ROR1: variants seen among roughly 807,000 people sequenced by gnomAD.
ROR1 encodes inactive tyrosine-protein kinase transmembrane receptor ROR1.
Under a neutral mutation model 78.8 loss-of-function variants are expected in ROR1, and 19 were observed. That is an observed-to-expected ratio of 0.24 (90% CI 0.17 to 0.35). ROR1 has a LOEUF of 0.35. Among genes scored for constraint, ROR1 ranks in the 10% least tolerant of loss-of-function variants. ROR1 has a pLI of 1.00. For synonymous variants in ROR1, 386 were observed against 433.6 expected (o/e 0.89, Z 1.36); for missense variants, 917 against 1,177.8 (o/e 0.78, Z 3.24).
chr1:63,937,781 T>C (rs761471357), intron 1 of ROR1, among the ~76,000 whole-genome samples: 5 of 152,220 alleles, frequency 3.3e-5, no homozygotes, highest in Non-Finnish European at 5.9e-5. Context: ...AGTGTGTTTT[T>C]AGTGTTCATG....
intron 2 of ROR1, among the ~76,000 whole-genome samples, chr1:64,047,577 T>C (rs1320238031): frequency 6.6e-6 from 1 of 152,208 alleles, no homozygotes; most frequent in Non-Finnish European, 1.5e-5. Context: ...GTGATTGCTA[T>C]CTCTAAGTTT....
chr1:64,080,466 C>T (rs17126131), intron 4 of ROR1, among the ~76,000 whole-genome samples: 22,596 of 152,212 alleles, frequency 0.15, 1,773 homozygotes, highest in Middle Eastern at 0.2. Context: ...TGTAAAACCC[C>T]AGATGCCTAC....
chr1:63,774,311 C>A lies in ROR1; in HGVS notation c.-107C>A. ...CTTTGCAGACGTCCCCGGCGTCCTG[C>A]GAGCGCCAGCGGCCGGGACGAGGCG... On this transcript the variant is annotated 5_prime_UTR_variant, in exon 1 of 9. Coordinates refer to ENST00000371079, the MANE Select transcript of ROR1 (RefSeq NM_005012.4). The surrounding 1 kb of genome is among the most constrained non-coding windows in gnomAD (Gnocchi z 5.7). 4 of 609,502 alleles carry A rather than the reference C, an allele frequency of 6.6e-6. No individual in the cohort carries two copies. The highest frequency in any genetic ancestry group is 9.8e-6 in the Non-Finnish European group (4 of 408,690). 37.8% of individuals were successfully genotyped at this position (609,502 alleles called of 1,614,324 possible).
At chr1:63,927,557 TAAA>T (rs11344076) in intron 1 of ROR1, among the ~76,000 whole-genome samples, 22 of 145,522 alleles carry the variant, frequency 1.5e-4, no homozygotes, top group African/African-American at 3.0e-4. Context: ...CTCTTTTTCT[TAAA>T]AAAAAAAAAA....
At chr1:64,133,786 C>T (rs1649007735) in intron 4 of ROR1, among the ~76,000 whole-genome samples, 1 of 152,194 alleles carries the variant, frequency 6.6e-6, no homozygotes, top group Admixed American at 6.5e-5. Flanking sequence ...GCTACCTTGC[C>T]ACTTGCTTCA....
chr1:63,912,308 A>C (rs1275695018), intron 1 of ROR1, among the ~76,000 whole-genome samples: 2 of 151,942 alleles, frequency 1.3e-5, no homozygotes, highest in South Asian at 2.1e-4. Flanking sequence ...AAAAAAAAAA[A>C]AAAACAAAAA....
chr1:64,168,975 A>G (rs1214988305), intron 8 of ROR1, among the ~76,000 whole-genome samples: 1 of 152,228 alleles, frequency 6.6e-6, no homozygotes, highest in East Asian at 1.9e-4. Flanking sequence ...TCAGACCCAC[A>G]TAGGAACTCT....
intron 4 of ROR1, among the ~76,000 whole-genome samples, chr1:64,084,791 A>G (rs6698626): frequency 0.15 from 22,695 of 152,176 alleles, 1,766 homozygotes; most frequent in Middle Eastern, 0.2. Context: ...ACTTTGAAGT[A>G]TAATTTGGGG....
At chr1:63,860,948 T>G (rs1217085392) in intron 1 of ROR1, among the ~76,000 whole-genome samples, 1 of 152,134 alleles carries the variant, frequency 6.6e-6, no homozygotes, top group Non-Finnish European at 1.5e-5. Flanking sequence ...GTGTGCAATC[T>G]TTAAAGTTTA....
chr1:63,807,274 TG>T (rs1644835658), intron 1 of ROR1, among the ~76,000 whole-genome samples: 1 of 151,998 alleles, frequency 6.6e-6, no homozygotes, highest in Non-Finnish European at 1.5e-5. Flanking sequence ...ATGGGCAAGG[TG>T]GGGGTGGCTG....
chr1:63,791,583 G>T (rs1644727156), intron 1 of ROR1, among the ~76,000 whole-genome samples: 1 of 152,094 alleles, frequency 6.6e-6, no homozygotes, highest in Non-Finnish European at 1.5e-5. Flanking sequence ...CAGAGTCAAA[G>T]CAACTCAGAA....
At chr1:63,955,514 T>C (rs2100476930) in intron 1 of ROR1, among the ~76,000 whole-genome samples, 1 of 152,310 alleles carries the variant, frequency 6.6e-6, no homozygotes, top group South Asian at 2.1e-4. Context: ...GAGAGACAGT[T>C]AAATTATTAA....
chr1:64,027,873 A>AGATAG (rs1646627101), intron 2 of ROR1, among the ~76,000 whole-genome samples: 1 of 151,922 alleles, frequency 6.6e-6, no homozygotes, highest in African/African-American at 2.4e-5. Context: ...TTTTTAGTAG[A>AGATAG]GATAGGGTTT....
At chr1:64,100,775 A>G (rs527605587) in intron 4 of ROR1, among the ~76,000 whole-genome samples, 4 of 152,312 alleles carry the variant, frequency 2.6e-5, no homozygotes, top group African/African-American at 7.2e-5. Context: ...CCACCACAGG[A>G]AAACATCTAA....
chr1:64,102,570 G>A (rs1419815439), intron 4 of ROR1, among the ~76,000 whole-genome samples: 1 of 152,166 alleles, frequency 6.6e-6, no homozygotes, highest in East Asian at 1.9e-4. Flanking sequence ...AATGTCCACT[G>A]TATGCCAGCA....
intron 1 of ROR1, among the ~76,000 whole-genome samples, chr1:63,987,566 T>C (rs1646262674): frequency 6.6e-6 from 1 of 152,042 alleles, no homozygotes; most frequent in South Asian, 2.1e-4. Context: ...CAGAGACACA[T>C]GCATGCTTTC....
intron 2 of ROR1, among the ~76,000 whole-genome samples, chr1:64,042,949 T>G (rs1227317458): frequency 6.6e-6 from 1 of 152,196 alleles, no homozygotes; most frequent in African/African-American, 2.4e-5. Flanking sequence ...CATTTCATGT[T>G]GGGAACCTCC....
chr1:63,937,196 A>T (rs1389807661), intron 1 of ROR1, among the ~76,000 whole-genome samples: 1 of 152,086 alleles, frequency 6.6e-6, no homozygotes, highest in East Asian at 1.9e-4. Flanking sequence ...TCTCTTAGTG[A>T]CTGAGGTTTA....
chr1:63,933,304 G>A (rs955556069), intron 1 of ROR1, among the ~76,000 whole-genome samples: 17 of 152,136 alleles, frequency 1.1e-4, no homozygotes, highest in Admixed American at 1.1e-3. Flanking sequence ...GTAAAACAGG[G>A]TTAATAATTC....
Sources: allele counts gnomAD v4.1 joint callset (sites outside exome capture counted in the v4.1 genomes callset), GRCh38; gene constraint gnomAD v4.1.1; non-coding constraint Gnocchi (gnomAD v3.1); transcripts MANE v1.5; gene names NCBI Gene and HGNC (gene_info 2026-07-23, HGNC 2026-07-21).